Variants in CNTNAP2 observed in about 807,000 individuals in gnomAD.
CNTNAP2 encodes the protein contactin-associated protein-like 2.
CNTNAP2 carries 98 observed loss-of-function variants against 155.2 expected under a neutral mutation model. That is an observed-to-expected ratio of 0.63 (90% CI 0.54 to 0.75). The LOEUF (loss-of-function observed/expected upper bound fraction) is 0.75. Ranked by LOEUF, CNTNAP2 falls within the 30% of genes least tolerant of loss-of-function variation. The pLI, the probability that CNTNAP2 is intolerant of heterozygous loss-of-function variation, is 0.00. For synonymous variants in CNTNAP2, 651 were observed against 631.2 expected (o/e 1.03, Z -0.47); for missense variants, 1,727 against 1,688.1 (o/e 1.02, Z -0.40).
chr7:147,906,387 T>C (rs1799958356), intron 14 of CNTNAP2, among the ~76,000 whole-genome samples: 2 of 152,024 alleles, frequency 1.3e-5, no homozygotes, highest in South Asian at 4.2e-4. Context: ...ACCAGACTGG[T>C]CTTGAACTCC....
chr7:147,946,078 G>A (rs1483938066), intron 14 of CNTNAP2, among the ~76,000 whole-genome samples: 1 of 151,768 alleles, frequency 6.6e-6, no homozygotes, highest in Admixed American at 6.6e-5. Flanking sequence ...ATGTTGGTCA[G>A]GCTGGTCTCC....
At chr7:147,627,790 A>G (rs944142420) in intron 12 of CNTNAP2, among the ~76,000 whole-genome samples, 2 of 151,662 alleles carry the variant, frequency 1.3e-5, no homozygotes, top group African/African-American at 4.8e-5. Context: ...AAACAATCAC[A>G]ACTTTTGGAA....
At chr7:148,054,449 T>C (rs1253990223) in intron 15 of CNTNAP2, among the ~76,000 whole-genome samples, 10 of 14,634 alleles carry the variant, frequency 6.8e-4, no homozygotes, top group Admixed American at 6.2e-3. Context: ...TCAGTGGCCT[T>C]TTTTTTTTTT....
chr7:147,486,317 G>A (rs1286655109), intron 11 of CNTNAP2, among the ~76,000 whole-genome samples: 1 of 152,154 alleles, frequency 6.6e-6, no homozygotes, highest in Non-Finnish European at 1.5e-5. Context: ...TCCAAACTTG[G>A]ATTCGCCTCT....
chr7:147,276,491 G>T (rs574692509), intron 8 of CNTNAP2, among the ~76,000 whole-genome samples: 2 of 152,114 alleles, frequency 1.3e-5, no homozygotes, highest in South Asian at 4.1e-4. Context: ...CACTTGTCTT[G>T]AAGTAACCAT....
At chr7:148,184,565 T>C (rs1220899094) in intron 18 of CNTNAP2, among the ~76,000 whole-genome samples, 2 of 152,246 alleles carry the variant, frequency 1.3e-5, no homozygotes, top group East Asian at 3.8e-4. Context: ...GAATCATTTC[T>C]CAGCAATCCT....
At chr7:147,558,262 T>C (rs1389180403) in intron 11 of CNTNAP2, among the ~76,000 whole-genome samples, 1 of 152,224 alleles carries the variant, frequency 6.6e-6, no homozygotes, top group Non-Finnish European at 1.5e-5. Context: ...CCATTCCATT[T>C]TATCATATTT....
chr7:146,502,224 A>AAAATATAT (rs1298873127), intron 1 of CNTNAP2, among the ~76,000 whole-genome samples: 2 of 94,808 alleles, frequency 2.1e-5, no homozygotes, highest in South Asian at 6.7e-4. Flanking sequence ...TATATATATG[A>AAAATATAT]ATATATATAT....
Position 146,992,229 on chromosome 7 carries a change from T to A in CNTNAP2, c.403-51678T>A, listed in dbSNP as rs918431040. Among the ~76,000 whole-genome samples, 7 of 152,010 alleles carry A rather than the reference T, an allele frequency of 4.6e-5. No homozygotes were observed. The East Asian group carries it at 5.8e-4, about 13-fold the overall frequency. ...AGGTAAAAATCAGCAGAACTACTTT[T>A]AAAAAAAATCTTAGAGTAATACCTC... is the stretch of plus-strand genomic sequence containing the variant. On this transcript the variant is annotated intron_variant, in intron 3 of 23. Coordinates refer to ENST00000361727, the MANE Select transcript of CNTNAP2 (RefSeq NM_014141.6).
intron 12 of CNTNAP2, among the ~76,000 whole-genome samples, chr7:147,583,512 A>G (rs894716276): frequency 7.0e-6 from 1 of 143,388 alleles, no homozygotes; most frequent in African/African-American, 2.7e-5. Context: ...ACATATATAT[A>G]TATATATATA....
chr7:148,315,565 A>G (rs547166615), intron 21 of CNTNAP2, among the ~76,000 whole-genome samples: 6 of 152,330 alleles, frequency 3.9e-5, no homozygotes, highest in Middle Eastern at 3.4e-3. Context: ...CTGGATGTGT[A>G]CATGCAGGTC....
intron 1 of CNTNAP2, 113 bp from the exon 2 acceptor site, chr7:146,774,158 C>T: frequency 1.3e-6 from 1 of 779,804 alleles, no homozygotes; most frequent in Non-Finnish European, 2.2e-6. Context: ...AATATTGTTT[C>T]AAAGATACAT....
chr7:146,791,833 T>C (rs1802678646), intron 2 of CNTNAP2, among the ~76,000 whole-genome samples: 2 of 152,228 alleles, frequency 1.3e-5, no homozygotes, highest in Admixed American at 1.3e-4. Context: ...AATAGATTTC[T>C]CACTGAGCCT....
intron 1 of CNTNAP2, among the ~76,000 whole-genome samples, chr7:146,377,450 G>GAA (rs1329050493): frequency 1.3e-5 from 2 of 152,040 alleles, no homozygotes; most frequent in African/African-American, 4.8e-5. Flanking sequence ...CCTATATACT[G>GAA]ATGACTATTA....
At chr7:147,696,717 T>G (rs1231812969) in intron 13 of CNTNAP2, among the ~76,000 whole-genome samples, 1 of 152,172 alleles carries the variant, frequency 6.6e-6, no homozygotes, top group Non-Finnish European at 1.5e-5. Context: ...TCTATCTTTA[T>G]TTGTCTGAGA....
intron 13 of CNTNAP2, among the ~76,000 whole-genome samples, chr7:147,686,827 A>C (rs941006148): frequency 2.0e-5 from 3 of 151,888 alleles, no homozygotes; most frequent in Non-Finnish European, 4.4e-5. Flanking sequence ...AAAGCAAGGG[A>C]AAAGGACAGT....
chr7:146,239,047 C>T (rs1417482215), intron 1 of CNTNAP2, among the ~76,000 whole-genome samples: 4 of 152,168 alleles, frequency 2.6e-5, no homozygotes, highest in African/African-American at 9.6e-5. Context: ...CTAAAGCAGC[C>T]AATAATATCT....
chr7:148,416,951 A>AAAAGT lies in CNTNAP2; in HGVS notation c.*1338_*1342dup, dbSNP rs1169548537. 6.6e-6 allele frequency: 1 copy of AAAAGT among 152,328 alleles called. No homozygotes were observed. The highest frequency in any genetic ancestry group is 2.4e-5 in the African/African-American group (1 of 41,462). The allele number at this position is 152,328 out of a possible 1,614,324, so 9.4% of individuals were successfully genotyped here. The stretch of plus-strand genomic sequence containing the variant: ...AATAAATACCTCATTGATTATATTT[A>AAAAGT]AAAGTAATACACTTCCTGTAAACAA... On this transcript the variant is annotated 3_prime_UTR_variant, in exon 24 of 24. Transcript: ENST00000361727.
At chr7:147,830,579 G>A (rs562506584) in intron 13 of CNTNAP2, among the ~76,000 whole-genome samples, 1 of 152,212 alleles carries the variant, frequency 6.6e-6, no homozygotes, top group Non-Finnish European at 1.5e-5. Flanking sequence ...CCAAGTATTC[G>A]CCCTGCTTTA....
Sources: allele counts gnomAD v4.1 joint callset (sites outside exome capture counted in the v4.1 genomes callset), GRCh38; gene constraint gnomAD v4.1.1; transcripts MANE v1.5; gene names NCBI Gene and HGNC (gene_info 2026-07-23, HGNC 2026-07-21).